The following LAPTM4A variants were observed in gnomAD, a reference collection of about 807,000 sequenced individuals.
LAPTM4A encodes the protein lysosomal protein transmembrane 4 alpha.
Under a neutral mutation model 29.9 loss-of-function variants are expected in LAPTM4A, and 19 were observed. That is an observed-to-expected ratio of 0.64 (90% CI 0.44 to 0.93). The LOEUF is 0.93. Among genes scored for constraint, LAPTM4A ranks in the 40% least tolerant of loss-of-function variants. LAPTM4A has a pLI of 0.00. For missense variants in LAPTM4A, 293 were observed against 288.5 expected (o/e 1.02, Z -0.11); for synonymous variants, 105 against 102.1 (o/e 1.03, Z -0.17).
Position 20,051,594 on chromosome 2 carries a change from G to C in LAPTM4A, c.-74C>G, listed in dbSNP as rs1674076772. ...CACCCGCAGCCAAACTCAAACGGCT[G>C]TTTCACGGCCTCCAAAACCCAACGA... On this transcript the variant is annotated 5_prime_UTR_variant, in exon 1 of 7. Coordinates refer to ENST00000175091, the MANE Select transcript of LAPTM4A (RefSeq NM_014713.5). The C allele has an allele frequency of 1.0e-6, 1 of 971,052 alleles. No homozygotes were observed. The highest frequency in any genetic ancestry group is 1.6e-5 in the African/African-American group (1 of 61,470). The allele number at this position is 971,052 out of a possible 1,614,324, so 60.2% of individuals were successfully genotyped here.
At chr2:20,042,512 G>A (rs1439430649) in intron 1 of LAPTM4A, among the ~76,000 whole-genome samples, 2 of 152,232 alleles carry the variant, frequency 1.3e-5, no homozygotes, top group Non-Finnish European at 2.9e-5. Context: ...GGATCAGCAT[G>A]TAATCAGTAT....
At chr2:20,049,972 T>C (rs568936850) in intron 1 of LAPTM4A, among the ~76,000 whole-genome samples, 6 of 152,290 alleles carry the variant, frequency 3.9e-5, no homozygotes, top group South Asian at 4.1e-4. Context: ...GTTAGAAACA[T>C]AATGCAGCTG....
At chr2:20,034,277 A>G in intron 6 of LAPTM4A, 40 bp downstream of exon 6, 1 of 1,309,636 alleles carries the variant, frequency 7.6e-7, no homozygotes, top group African/African-American at 1.4e-5. Flanking sequence ...AACAGTCAAT[A>G]GTGACTGGTG....
intron 1 of LAPTM4A, among the ~76,000 whole-genome samples, chr2:20,047,476 G>T (rs1673953767): frequency 6.7e-6 from 1 of 148,440 alleles, no homozygotes; most frequent in East Asian, 2.0e-4. Context: ...GGATCATGAG[G>T]TCAGGAGATC....
chr2:20,039,732 CA>C (rs1446855332), intron 2 of LAPTM4A, among the ~76,000 whole-genome samples: 7 of 151,776 alleles, frequency 4.6e-5, no homozygotes, highest in Non-Finnish European at 8.8e-5. Context: ...TTTTTTTAAA[CA>C]AATAAATAAT....
At chr2:20,044,660 T>C (rs892133623) in intron 1 of LAPTM4A, among the ~76,000 whole-genome samples, 1 of 152,224 alleles carries the variant, frequency 6.6e-6, no homozygotes, top group African/African-American at 2.4e-5. Flanking sequence ...TCCACTATTA[T>C]CTTCTTTTAG....
At chr2:20,051,310 C>G in intron 1 of LAPTM4A, 100 bp downstream of exon 1, 17 of 743,522 alleles carry the variant, frequency 2.3e-5, no homozygotes, top group Admixed American at 4.2e-5. Context: ...CCCTCCAAGT[C>G]CCCGCCCCAC....
intron 1 of LAPTM4A, among the ~76,000 whole-genome samples, chr2:20,047,812 T>A (rs542729328): frequency 6.6e-6 from 1 of 151,630 alleles, no homozygotes; most frequent in African/African-American, 2.4e-5. Context: ...AAATGGGAGG[T>A]TTTCGTACTA....
chr2:20,048,483 A>G (rs1209924053), intron 1 of LAPTM4A, among the ~76,000 whole-genome samples: 1 of 152,222 alleles, frequency 6.6e-6, no homozygotes, highest in African/African-American at 2.4e-5. Context: ...ACTATTTTGT[A>G]CCATACAATG....
chr2:20,050,626 G>C (rs3769763), intron 1 of LAPTM4A, among the ~76,000 whole-genome samples: 23,283 of 152,150 alleles, frequency 0.15, 2,305 homozygotes, highest in East Asian at 0.43. Context: ...CTTATTACTA[G>C]TGAATCACCA....
chr2:20,035,182 G>A (rs1438261850), intron 4 of LAPTM4A, 120 bp from the exon 5 acceptor site: 1 of 688,120 alleles, frequency 1.5e-6, no homozygotes, highest in East Asian at 2.7e-5. Context: ...TAATAAAAAT[G>A]TATAAGCAGA....
chr2:20,036,759 C>A (rs1039478666), intron 4 of LAPTM4A, among the ~76,000 whole-genome samples: 8 of 152,210 alleles, frequency 5.3e-5, no homozygotes, highest in Non-Finnish European at 1.0e-4. Context: ...TCCCTGCCCC[C>A]CTCCATATGA....
At chr2:20,033,432 T>C (rs1017597822) in intron 6 of LAPTM4A, among the ~76,000 whole-genome samples, 153 bp from the exon 7 acceptor site, 1 of 152,180 alleles carries the variant, frequency 6.6e-6, no homozygotes, top group African/African-American at 2.4e-5. Context: ...CCCAAGTAGA[T>C]GCCTCAATAA....
At chr2:20,041,122 G>A in intron 1 of LAPTM4A, 111 bp from the exon 2 acceptor site, 2 of 1,006,350 alleles carry the variant, frequency 2.0e-6, no homozygotes, top group East Asian at 2.5e-5. Flanking sequence ...AAGTAACAAA[G>A]ATATAAAATA....
intron 1 of LAPTM4A, among the ~76,000 whole-genome samples, chr2:20,042,431 T>C (rs967415376): frequency 2.0e-5 from 3 of 152,240 alleles, no homozygotes; most frequent in African/African-American, 7.2e-5. Flanking sequence ...TATTACATTC[T>C]TGCCTATGAA....
chr2:20,033,364 T>G, intron 6 of LAPTM4A, 85 bp from the exon 7 acceptor site: 1 of 1,033,078 alleles, frequency 9.7e-7, no homozygotes. Context: ...CTTTATGCCC[T>G]AAATAGGGTT....
chr2:20,036,666 C>T (rs1377238527), intron 4 of LAPTM4A, among the ~76,000 whole-genome samples: 5 of 152,066 alleles, frequency 3.3e-5, no homozygotes, highest in African/African-American at 1.2e-4. Flanking sequence ...GAGGATACTC[C>T]TGCCAATTTT....
chr2:20,037,233 T>C (rs1673695358), intron 4 of LAPTM4A, 83 bp downstream of exon 4: 2 of 1,193,664 alleles, frequency 1.7e-6, no homozygotes, highest in Non-Finnish European at 1.2e-6. Flanking sequence ...TTAAAAATAA[T>C]ACCTAAGGCT....
At chr2:20,041,364 TC>T (rs1673795938) in intron 1 of LAPTM4A, among the ~76,000 whole-genome samples, 1 of 152,210 alleles carries the variant, frequency 6.6e-6, no homozygotes, top group African/African-American at 2.4e-5. Flanking sequence ...AAGTTACTGT[TC>T]ATCTGTTATA....
Sources: gnomAD v4.1 joint callset for allele counts (sites outside exome capture counted in the v4.1 genomes callset) on GRCh38, gnomAD v4.1.1 for gene constraint, MANE v1.5 for transcripts, NCBI Gene and HGNC (gene_info 2026-07-23, HGNC 2026-07-21) for gene names.